The following ITGAM variants were observed in gnomAD, a reference collection of about 807,000 sequenced individuals.
ITGAM encodes integrin alpha-M.
In ITGAM, 79 loss-of-function variants were observed where a neutral mutation model predicts 137.5. The observed-to-expected ratio is 0.57, with a 90% CI of 0.48 to 0.69. The LOEUF (loss-of-function observed/expected upper bound fraction) is 0.69. Ranked by LOEUF, ITGAM falls within the 30% of genes least tolerant of loss-of-function variation. ITGAM has a pLI of 0.00. For missense variants in ITGAM, 1,343 were observed against 1,483.5 expected, an observed-to-expected ratio of 0.91 and a Z score of 1.56; for synonymous variants, 583 against 592.3, an observed-to-expected ratio of 0.98 and a Z score of 0.23.
At chr16:31,328,936 G>GTGCA in intron 23 of ITGAM, 2 of 531,304 alleles carry the variant, frequency 3.8e-6, no homozygotes, top group Non-Finnish European at 6.8e-6. Flanking sequence ...GCATGTATGT[G>GTGCA]TGCATGGGTG....
At chr16:31,276,540 C>T (rs978190883) in intron 9 of ITGAM, 131 bp from the exon 10 acceptor site, 10 of 646,440 alleles carry the variant, frequency 1.5e-5, no homozygotes, top group Non-Finnish European at 2.7e-5. Context: ...CCATGTTCAC[C>T]AGACTGGTCT....
chr16:31,284,295 C>T (rs1410352182), intron 12 of ITGAM, among the ~76,000 whole-genome samples: 1 of 152,206 alleles, frequency 6.6e-6, no homozygotes, highest in African/African-American at 2.4e-5. Context: ...TTTCTGCTGC[C>T]TTTTGTTCAG....
intron 22 of ITGAM, 62 bp downstream of exon 22, chr16:31,326,997 A>C: frequency 7.9e-7 from 1 of 1,270,238 alleles, no homozygotes; most frequent in Non-Finnish European, 1.2e-6. Flanking sequence ...CCCCTGGCCC[A>C]TGGTGGGCCT....
intron 12 of ITGAM, among the ~76,000 whole-genome samples, chr16:31,278,605 A>G (rs1385910722): frequency 6.6e-6 from 1 of 151,888 alleles, no homozygotes; most frequent in Non-Finnish European, 1.5e-5. Context: ...TTTGAATATC[A>G]CCCCTGCAAA....
At chr16:31,327,967 T>G (rs2080525761) in intron 22 of ITGAM, 180 bp from the exon 23 acceptor site, 1 of 593,144 alleles carries the variant, frequency 1.7e-6, no homozygotes, top group Non-Finnish European at 3.0e-6. Flanking sequence ...GTTGCAGACA[T>G]CCAGCTGGAG....
Position 31,328,321 on chromosome 16 carries a change from T to C in ITGAM, c.2792+91T>C. 3 of 994,924 alleles carry C rather than the reference T, an allele frequency of 3.0e-6. No homozygotes were observed. The South Asian group carries it at 3.8e-5, about 13-fold the overall frequency. 61.6% of individuals were successfully genotyped at this position (994,924 alleles called of 1,614,324 possible). On this transcript the variant is annotated intron_variant, in intron 23 of 29. Transcript: ENST00000544665. ...GTGTGCATGAGTCTGTGCATGTGTGTGTGTGTGAGAGTCTGAGGATCTCTG... is the reference window on the plus strand; with the variant it reads ...GTGTGCATGAGTCTGTGCATGTGTGCGTGTGTGAGAGTCTGAGGATCTCTG...
At chr16:31,302,565 C>T (rs529883282) in intron 14 of ITGAM, among the ~76,000 whole-genome samples, 12 of 150,358 alleles carry the variant, frequency 8.0e-5, no homozygotes, top group Non-Finnish European at 1.3e-4. Flanking sequence ...GACGGAGTCT[C>T]GTGCTGTTGC....
intron 5 of ITGAM, among the ~76,000 whole-genome samples, chr16:31,270,143 CTT>C (rs1567248335): frequency 1.7e-4 from 10 of 59,142 alleles, no homozygotes; most frequent in Non-Finnish European, 3.2e-4. Context: ...CTTTGCTTTC[CTT>C]TCCTTTCCTT....
chr16:31,329,290 A>G lies in ITGAM; in HGVS notation c.2855A>G (p.Gln952Arg), dbSNP rs2080550152. ...TASENTSRVMQHQYQVSNLGQ... is the reference protein window; with the variant it reads ...TASENTSRVMRHQYQVSNLGQ... ...TCAGAGAATACCAGTCGGGTCATGC[A>G]GCATCAATATCAGGTGGGCAGCTGG... Residue 952 changes from glutamine (Q) to arginine (R), a missense_variant, in exon 24 of 30, where the codon CAG (glutamine) becomes CGG (arginine). Gln to Arg is a conservative substitution (Grantham distance 43, BLOSUM62 1). Transcript: ENST00000544665. 1 of 1,611,566 alleles carries G rather than the reference A, an allele frequency of 6.2e-7. No homozygotes were observed. The highest frequency in any genetic ancestry group is 1.3e-5 in the African/African-American group (1 of 74,972).
chr16:31,270,135 T>TCC (rs1567248295), intron 5 of ITGAM, among the ~76,000 whole-genome samples: 10 of 118,474 alleles, frequency 8.4e-5, no homozygotes, highest in East Asian at 6.2e-4. Flanking sequence ...CCTTCCTCCT[T>TCC]TGCTTTCCTT....
At chr16:31,329,199 C>A in intron 23 of ITGAM, 29 bp from the exon 24 acceptor site, 1 of 1,529,874 alleles carries the variant, frequency 6.5e-7, no homozygotes, top group South Asian at 1.1e-5. Flanking sequence ...CATGTTTTGT[C>A]ACCTCCTGTC....
chr16:31,271,102 G>A lies in ITGAM; in HGVS notation c.558+18G>A. 1 of 1,528,246 alleles carries A rather than the reference G, an allele frequency of 6.5e-7. No individual in the cohort carries two copies. Among genetic ancestry groups the A allele is most frequent in the South Asian group, 1.3e-5 (1 of 78,702 alleles). 94.7% of individuals were successfully genotyped at this position (1,528,246 alleles called of 1,614,324 possible). On this transcript the variant is annotated intron_variant, in intron 6 of 29. Coordinates refer to ENST00000544665, the MANE Select transcript of ITGAM (RefSeq NM_000632.4). Reference sequence around the variant, plus strand: ...AAACCTTGGTGAGGGCCCAGGGGTAGGTTAGGGAAGAGCCCACACGGGGCT... The same window carrying A: ...AAACCTTGGTGAGGGCCCAGGGGTAAGTTAGGGAAGAGCCCACACGGGGCT...
intron 11 of ITGAM, 23 bp downstream of exon 11, chr16:31,277,072 A>AC (rs1445327701): frequency 6.3e-7 from 1 of 1,594,064 alleles, no homozygotes; most frequent in Non-Finnish European, 8.6e-7. Flanking sequence ...GGCAAGGGTT[A>AC]CTCTAAGAAG....
chr16:31,275,396 C>T (rs2079895316), intron 8 of ITGAM, among the ~76,000 whole-genome samples, 153 bp from the exon 9 acceptor site: 1 of 152,188 alleles, frequency 6.6e-6, no homozygotes, highest in East Asian at 1.9e-4. Context: ...GTACAACCTG[C>T]CCAACTATAC....
intron 19 of ITGAM, 104 bp downstream of exon 19, chr16:31,325,135 A>C (rs2080493637): frequency 6.8e-7 from 1 of 1,463,864 alleles, no homozygotes; most frequent in Non-Finnish European, 9.2e-7. Context: ...CTGGGCTATA[A>C]GGTCCGGTGT....
At chr16:31,274,961 A>G (rs570038318) in intron 8 of ITGAM, among the ~76,000 whole-genome samples, 1 of 152,308 alleles carries the variant, frequency 6.6e-6, no homozygotes, top group East Asian at 1.9e-4. Flanking sequence ...CTTGTTGGCA[A>G]AGTGCCCTGT....
chr16:31,325,748 T>A, intron 21 of ITGAM, 126 bp downstream of exon 21: 2 of 1,130,520 alleles, frequency 1.8e-6, no homozygotes, highest in Non-Finnish European at 2.5e-6. Flanking sequence ...ATAATTCATA[T>A]ACCATCCAAT....
Position 31,321,334 on chromosome 16 carries a change from C to T in ITGAM, c.1801C>T (p.Leu601=), listed in dbSNP as rs8056264. The change falls in exon 15 of 30, where the codon CTG becomes TTG. Residue 601 remains leucine, a synonymous_variant. Coordinates refer to ENST00000544665, the MANE Select transcript of ITGAM (RefSeq NM_000632.4). The part of the protein sequence containing the change: ...QDLTMDGLVD[L]TVGAQGHVLL... ...CCTCACAATGGATGGACTGGTAGAC[C>T]TGACTGTAGGAGCCCAGGGGCACGT... 17,080 of 1,613,940 alleles carry T rather than the reference C, an allele frequency of 0.011. 1,528 individuals are homozygous for T. The African/African-American group carries it at 0.2, about 19-fold the overall frequency.
chr16:31,303,371 T>G (rs2080234966), intron 14 of ITGAM, among the ~76,000 whole-genome samples: 1 of 152,234 alleles, frequency 6.6e-6, no homozygotes, highest in African/African-American at 2.4e-5. Flanking sequence ...ATAGCTTTTC[T>G]AAAATTTAAG....
Sources: gnomAD v4.1 joint callset for allele counts (sites outside exome capture counted in the v4.1 genomes callset) on GRCh38, gnomAD v4.1.1 for gene constraint, MANE v1.5 for transcripts, NCBI Gene and HGNC (gene_info 2026-07-23, HGNC 2026-07-21) for gene names.